Variants in VGLL4 observed in about 807,000 individuals in gnomAD.
VGLL4 encodes the protein transcription cofactor vestigial-like protein 4.
In VGLL4, 7 loss-of-function variants were observed where a neutral mutation model predicts 21.0. The ratio of observed to expected loss-of-function variants is 0.33; its 90% CI spans 0.19 to 0.63. VGLL4 has a LOEUF of 0.63. Among genes scored for constraint, VGLL4 ranks in the 20% least tolerant of loss-of-function variants. VGLL4 has a pLI of 0.78. For missense variants in VGLL4, 394 were observed against 425.7 expected, an observed-to-expected ratio of 0.93 and a Z score of 0.66; for synonymous variants, 222 against 173.2, an observed-to-expected ratio of 1.28 and a Z score of -2.21.
intron 2 of VGLL4, among the ~76,000 whole-genome samples, chr3:11,571,413 G>C (rs1575391884): frequency 6.6e-6 from 1 of 152,248 alleles, no homozygotes; most frequent in African/African-American, 2.4e-5. Flanking sequence ...GCCAGGTGCA[G>C]TGACTCACGC....
chr3:11,573,921 G>C (rs1284438039), intron 2 of VGLL4, among the ~76,000 whole-genome samples: 1 of 152,154 alleles, frequency 6.6e-6, no homozygotes, highest in African/African-American at 2.4e-5. Flanking sequence ...TGTCCTATTA[G>C]AAAACACTGG....
chr3:11,564,226 G>C (rs2073311567), intron 3 of VGLL4, among the ~76,000 whole-genome samples: 1 of 152,170 alleles, frequency 6.6e-6, no homozygotes, highest in African/African-American at 2.4e-5. Flanking sequence ...TGTTTATTAA[G>C]CAATCATTTA....
At chr3:11,684,880 A>G (rs1161625460) in intron 2 of VGLL4, among the ~76,000 whole-genome samples, 1 of 152,050 alleles carries the variant, frequency 6.6e-6, no homozygotes, top group Non-Finnish European at 1.5e-5. Flanking sequence ...GTTTTGTTTT[A>G]TAGGTAAACT....
chr3:11,578,654 T>G (rs2074129079), intron 2 of VGLL4, among the ~76,000 whole-genome samples: 1 of 150,852 alleles, frequency 6.6e-6, no homozygotes, highest in South Asian at 2.1e-4. Flanking sequence ...TTGAGCTAAA[T>G]TATTATACAC....
chr3:11,695,139 C>G (rs971841008), intron 2 of VGLL4, among the ~76,000 whole-genome samples: 1 of 151,650 alleles, frequency 6.6e-6, no homozygotes, highest in African/African-American at 2.4e-5. Context: ...CAACCTCTGC[C>G]TCCCAGGTTC....
chr3:11,659,448 C>T (rs2076005975), intron 2 of VGLL4, among the ~76,000 whole-genome samples: 4 of 151,424 alleles, frequency 2.6e-5, no homozygotes, highest in Admixed American at 1.3e-4. Flanking sequence ...TCTCCTGCCT[C>T]AGCCTCCCGA....
At chr3:11,584,614 C>T (rs1288302199) in intron 2 of VGLL4, among the ~76,000 whole-genome samples, 1 of 152,036 alleles carries the variant, frequency 6.6e-6, no homozygotes, top group Non-Finnish European at 1.5e-5. Flanking sequence ...TGGAGATATT[C>T]GAAGTTCTGC....
chr3:11,662,789 A>G (rs2076055748), intron 2 of VGLL4, among the ~76,000 whole-genome samples: 1 of 152,170 alleles, frequency 6.6e-6, no homozygotes, highest in African/African-American at 2.4e-5. Flanking sequence ...CTGGAATGCA[A>G]ATGTGATGCC....
chr3:11,559,593 G>A, intron 3 of VGLL4, 138 bp from the exon 4 acceptor site: 1 of 1,301,060 alleles, frequency 7.7e-7, no homozygotes, highest in Non-Finnish European at 1.0e-6. Context: ...TTCAATACTG[G>A]AGTCCTGTTG....
chr3:11,593,307 A>C (rs889086796), intron 2 of VGLL4, among the ~76,000 whole-genome samples: 1 of 152,218 alleles, frequency 6.6e-6, no homozygotes, highest in South Asian at 2.1e-4. Flanking sequence ...CAAAAACTAC[A>C]GATACTGCAG....
At chr3:11,671,472 C>T in intron 2 of VGLL4, 1 of 685,136 alleles carries the variant, frequency 1.5e-6, no homozygotes, top group Non-Finnish European at 2.7e-6. Context: ...GGTCCCAGGA[C>T]CCCCAGGTGT....
chr3:11,656,595 C>T (rs1274584872), intron 2 of VGLL4, among the ~76,000 whole-genome samples: 2 of 152,132 alleles, frequency 1.3e-5, no homozygotes, highest in Non-Finnish European at 2.9e-5. Flanking sequence ...TAGCTGAGGT[C>T]AGTAACTCCT....
intron 1 of VGLL4, among the ~76,000 whole-genome samples, chr3:11,705,439 C>T (rs535487215): frequency 2.6e-5 from 4 of 152,220 alleles, no homozygotes; most frequent in Non-Finnish European, 5.9e-5. Context: ...CTAACACACG[C>T]ACATGTCTTC....
intron 1 of VGLL4, among the ~76,000 whole-genome samples, chr3:11,640,179 ATTTTT>A (rs202039620): frequency 1.3e-5 from 2 of 151,602 alleles, no homozygotes; most frequent in East Asian, 3.9e-4. Context: ...GCTTGCACTG[ATTTTT>A]TTTTGAGTCA....
At chr3:11,667,398 CTACCTTTATATTACG>C (rs1455898513) in intron 2 of VGLL4, among the ~76,000 whole-genome samples, 1 of 152,250 alleles carries the variant, frequency 6.6e-6, no homozygotes, top group Admixed American at 6.5e-5. Flanking sequence ...ATGTCACCTT[CTACCTTTATATTACG>C]TACCTTTATA....
rs117481200 is a variant in VGLL4, at chr3:11,590,532, G to A, written c.272+11301C>T. Among the ~76,000 whole-genome samples, 829 of 152,280 alleles carry A rather than the reference G, an allele frequency of 5.4e-3. 25 individuals are homozygous for A. In the East Asian group the frequency reaches 0.068, roughly 12 times the overall value. ...TGTGTTGCCTCTGCTGGGGCTGGAA[G>A]GCTCGGATCCAGAACTCAGATCCCT... On this transcript the variant is annotated intron_variant, in intron 2 of 4. Coordinates refer to ENST00000430365, the MANE Select transcript of VGLL4 (RefSeq NM_001128219.3).
intron 2 of VGLL4, among the ~76,000 whole-genome samples, chr3:11,652,377 A>G (rs766693965): frequency 2.0e-5 from 3 of 152,218 alleles, no homozygotes; most frequent in Non-Finnish European, 4.4e-5. Flanking sequence ...ACATAAATTT[A>G]ACCTTAATAA....
In VGLL4 at chr3:11,675,900, T is replaced by TTTTAC. The variant is rs370733236; in HGVS notation, c.64+27066_64+27070dup. Among the ~76,000 whole-genome samples, 169 of 152,338 alleles carry TTTTAC rather than the reference T, an allele frequency of 1.1e-3. 1 individual carries two copies. Among genetic ancestry groups the TTTTAC allele is most frequent in the African/African-American group, 3.9e-3 (161 of 41,580 alleles). On this transcript the variant is annotated intron_variant, in intron 2 of 5. Coordinates refer to the VGLL4 transcript ENST00000273038. ...ACTTGATTTGCGTGTTTTTCTTACA[T>TTTTAC]TTTACTCTCATACAAAAATGTCTGC... is the stretch of plus-strand genomic sequence containing the variant.
intron 1 of VGLL4, among the ~76,000 whole-genome samples, chr3:11,629,455 C>T (rs2075429728): frequency 6.6e-6 from 1 of 151,896 alleles, no homozygotes; most frequent in African/African-American, 2.4e-5. Context: ...TTGAAAGATA[C>T]ATAGAATCCA....
Sources: allele counts gnomAD v4.1 joint callset (sites outside exome capture counted in the v4.1 genomes callset), GRCh38; gene constraint gnomAD v4.1.1; transcripts MANE v1.5; gene names NCBI Gene and HGNC (gene_info 2026-07-23, HGNC 2026-07-21).